The following C8B variants were observed in gnomAD, a reference collection of about 807,000 sequenced individuals.
C8B encodes complement component C8 beta chain.
A neutral mutation model predicts 64.6 loss-of-function variants in C8B; 67 were observed. That is an observed-to-expected ratio of 1.04 (90% CI 0.85 to 1.27). C8B has a LOEUF of 1.27. C8B is among the 50% of genes most tolerant of loss of function. The probability of loss-of-function intolerance (pLI) is 0.00; values close to 1 mark genes in which losing one functional copy is unlikely to be tolerated. For synonymous variants in C8B, 284 were observed against 257.7 expected (o/e 1.10, Z -0.98); for missense variants, 790 against 725.2 (o/e 1.09, Z -1.03).
At chr1:56,961,192 C>T (rs1645175214) in intron 1 of C8B, among the ~76,000 whole-genome samples, 1 of 152,114 alleles carries the variant, frequency 6.6e-6, no homozygotes, top group East Asian at 1.9e-4. Flanking sequence ...TATGATGATT[C>T]TTATTTTTTT....
intron 1 of C8B, among the ~76,000 whole-genome samples, chr1:56,961,648 G>A (rs1437551429): frequency 6.6e-6 from 1 of 152,160 alleles, no homozygotes; most frequent in Non-Finnish European, 1.5e-5. Context: ...TGAGTCATTA[G>A]GGAGAAGAGC....
Position 56,933,319 on chromosome 1 carries a change from T to A in C8B, c.1552+16A>T, listed in dbSNP as rs1362583995. The A allele has an allele frequency of 6.2e-7, 1 of 1,609,688 alleles. No individual in the cohort carries two copies. The highest frequency in any genetic ancestry group is 1.7e-5 in the Admixed American group (1 of 59,972). ...TATGGCTTCCACCAGGGACACCAGCTGCCTGAAAGTGGTACCTTTCAGGAC... is the reference window on the plus strand; with the variant it reads ...TATGGCTTCCACCAGGGACACCAGCAGCCTGAAAGTGGTACCTTTCAGGAC... On this transcript the variant is annotated intron_variant, in intron 10 of 11. Coordinates refer to ENST00000371237, the MANE Select transcript of C8B (RefSeq NM_000066.4).
chr1:56,959,909 C>T, intron 2 of C8B, 111 bp downstream of exon 2: 1 of 1,207,952 alleles, frequency 8.3e-7, no homozygotes, highest in Non-Finnish European at 1.2e-6. Flanking sequence ...AGTTAGCCGA[C>T]ATTTATTGAG....
At chr1:56,956,011 C>T (rs1645097697) in intron 3 of C8B, among the ~76,000 whole-genome samples, 1 of 152,164 alleles carries the variant, frequency 6.6e-6, no homozygotes, top group Non-Finnish European at 1.5e-5. Flanking sequence ...TTCCTACCTT[C>T]CTTCCTTCCT....
intron 9 of C8B, 144 bp downstream of exon 9, chr1:56,940,705 A>C: frequency 1.2e-6 from 1 of 850,954 alleles, no homozygotes; most frequent in Non-Finnish European, 1.9e-6. Context: ...ATTTATTTCA[A>C]ATATATTTTC....
intron 9 of C8B, among the ~76,000 whole-genome samples, chr1:56,939,824 C>T (rs1172247162): frequency 1.3e-5 from 2 of 152,210 alleles, no homozygotes; most frequent in African/African-American, 4.8e-5. Flanking sequence ...ATGGATACAA[C>T]TTCTCTAGCC....
intron 1 of C8B, among the ~76,000 whole-genome samples, chr1:56,960,647 C>T (rs974271001): frequency 2.6e-5 from 4 of 152,128 alleles, no homozygotes; most frequent in African/African-American, 9.7e-5. Flanking sequence ...GTGGTATAAG[C>T]CTGAATCATG....
intron 8 of C8B, among the ~76,000 whole-genome samples, chr1:56,941,591 A>G (rs1644865274): frequency 6.6e-6 from 1 of 152,154 alleles, no homozygotes; most frequent in African/African-American, 2.4e-5. Context: ...ATGGATAGAT[A>G]GAGAGAGAGA....
intron 2 of C8B, among the ~76,000 whole-genome samples, chr1:56,958,616 G>C (rs1286385452): frequency 6.6e-6 from 1 of 152,184 alleles, no homozygotes; most frequent in Non-Finnish European, 1.5e-5. Flanking sequence ...CCCCCAGCCA[G>C]TGACCCTGCA....
In C8B at chr1:56,937,126, G is replaced by C. The variant is rs183359817; in HGVS notation, c.1399-3638C>G. Among the ~76,000 whole-genome samples, 38 of 152,220 alleles carry C rather than the reference G, an allele frequency of 2.5e-4. 1 individual carries two copies. In the East Asian group the frequency reaches 7.2e-3, roughly 29 times the overall value. ...CTTTTCCTTCTGGGCACATGGTAAGGCTGACATTCTTGCTCTCTTTGAAGG... is the reference window on the plus strand; with the variant it reads ...CTTTTCCTTCTGGGCACATGGTAAGCCTGACATTCTTGCTCTCTTTGAAGG... On this transcript the variant is annotated intron_variant, in intron 9 of 11. Transcript: ENST00000371237.
intron 8 of C8B, among the ~76,000 whole-genome samples, chr1:56,941,962 T>C (rs1234573420): frequency 6.6e-6 from 1 of 152,232 alleles, no homozygotes; most frequent in Non-Finnish European, 1.5e-5. Flanking sequence ...ATTTATACAG[T>C]ATGAGATTTC....
At chr1:56,933,170 C>T (rs905953663) in intron 10 of C8B, among the ~76,000 whole-genome samples, 165 bp downstream of exon 10, 9 of 152,162 alleles carry the variant, frequency 5.9e-5, no homozygotes, top group African/African-American at 2.2e-4. Flanking sequence ...CTGTCACCCA[C>T]GGTAACCCTT....
chr1:56,933,366 G>C lies in C8B; in HGVS notation c.1521C>G (p.Pro507=). 6.2e-7 allele frequency: 1 copy of C among 1,613,850 alleles called. No individual in the cohort carries two copies. Among genetic ancestry groups the C allele is most frequent in the Non-Finnish European group, 8.5e-7 (1 of 1,179,750 alleles). Residue 507 remains proline (P), a synonymous_variant, in exon 10 of 12, where the codon CCC becomes CCG. Coordinates refer to ENST00000371237, the MANE Select transcript of C8B (RefSeq NM_000066.4). ...GGACAGGGACTCCATTTCCTTGGCA[G>C]GGAGCACAGTGGCAGGAACTAACTT... ...QKEVSSCHCA[P]CQGNGVPVLK...
chr1:56,965,877 A>G lies in C8B; in HGVS notation c.72T>C (p.Cys24=), dbSNP rs1431410078. ...CTTACCTGGAGCCAGGCAAACTGAGACAGCCCAGGGCAGCACAGAGAAGAA... is the reference window on the plus strand; with the variant it reads ...CTTACCTGGAGCCAGGCAAACTGAGGCAGCCCAGGGCAGCACAGAGAAGAA... The part of the protein sequence containing the change: ...ELFLLCAALG[C]LSLPGSRGER... The change falls in exon 1 of 12, where the codon TGT becomes TGC. Residue 24 remains cysteine, a synonymous_variant. Transcript: ENST00000371237. 2 of 1,614,118 alleles carry G rather than the reference A, an allele frequency of 1.2e-6. No homozygotes were observed. Among genetic ancestry groups the G allele is most frequent in the Non-Finnish European group, 1.7e-6 (2 of 1,180,000 alleles).
chr1:56,951,969 G>T lies in C8B; in HGVS notation c.666+79C>A, dbSNP rs534399980. On this transcript the variant is annotated intron_variant, in intron 5 of 11. Coordinates refer to ENST00000371237, the MANE Select transcript of C8B (RefSeq NM_000066.4). ...AGCTCAAAGAGAAAAGGGCTAGCAG[G>T]CTGTCAGGCCGGACCATGGACCCTG... 3.7e-4 allele frequency: 170 copies of T among 461,860 alleles called. No homozygotes were observed. In the East Asian group the frequency reaches 8.5e-3, roughly 23 times the overall value. 28.6% of individuals were successfully genotyped at this position (461,860 alleles called of 1,614,324 possible).
At chr1:56,964,200 C>A in intron 1 of C8B, 1 of 160,884 alleles carries the variant, frequency 6.2e-6, no homozygotes, top group Non-Finnish European at 1.3e-5. Context: ...TCTCAGACTG[C>A]ACTCTAATCA....
intron 9 of C8B, among the ~76,000 whole-genome samples, chr1:56,936,160 T>C (rs2101368983): frequency 1.3e-5 from 2 of 152,364 alleles, no homozygotes; most frequent in East Asian, 3.9e-4. Context: ...ATTTCTTTAG[T>C]ACATTCTTGC....
intron 8 of C8B, among the ~76,000 whole-genome samples, chr1:56,943,169 G>A (rs1400056725): frequency 6.6e-6 from 1 of 152,160 alleles, no homozygotes; most frequent in African/African-American, 2.4e-5. Context: ...AATTGGTACA[G>A]CCATTTTAGA....
chr1:56,956,812 G>A lies in C8B; in HGVS notation c.348C>T (p.Cys116=), dbSNP rs753002884. 3.1e-6 allele frequency: 5 copies of A among 1,613,880 alleles called. No individual in the cohort carries two copies. Among genetic ancestry groups the A allele is most frequent in the South Asian group, 1.1e-5 (1 of 91,078 alleles). Reference sequence around the variant, plus strand: ...AGCCTTCACATCGCACTTGACTTCCGCATGGTCTGTTGGTAACACAGTCTT... The same window carrying A: ...AGCCTTCACATCGCACTTGACTTCCACATGGTCTGTTGGTAACACAGTCTT... ...EVEDCVTNRP[C]GSQVRCEGFV... The change falls in exon 3 of 12, where the codon TGC becomes TGT. Residue 116 remains cysteine, a synonymous_variant. Transcript: ENST00000371237.
Sources: allele counts gnomAD v4.1 joint callset (sites outside exome capture counted in the v4.1 genomes callset), GRCh38; gene constraint gnomAD v4.1.1; transcripts MANE v1.5; gene names NCBI Gene and HGNC (gene_info 2026-07-23, HGNC 2026-07-21).